Variants in PRUNE2 observed in about 807,000 individuals in gnomAD.
PRUNE2 encodes protein prune homolog 2.
In PRUNE2, 164 loss-of-function variants were observed where a neutral mutation model predicts 252.0. The ratio of observed to expected loss-of-function variants is 0.65; its 90% CI spans 0.57 to 0.74. PRUNE2 has a LOEUF of 0.74. PRUNE2 is among the 30% of genes least tolerant of loss of function. PRUNE2 has a pLI of 0.00. For missense variants in PRUNE2, 3,495 were observed against 3,711.0 expected, an observed-to-expected ratio of 0.94 and a Z score of 1.51; for synonymous variants, 1,292 against 1,350.2, an observed-to-expected ratio of 0.96 and a Z score of 0.94.
At chr9:76,780,373 C>T (rs1170813364) in intron 6 of PRUNE2, among the ~76,000 whole-genome samples, 1 of 152,082 alleles carries the variant, frequency 6.6e-6, no homozygotes, top group Admixed American at 6.6e-5. Context: ...AGTCTGGCCA[C>T]CTGTATCCAA....
rs375799109 is a variant in PRUNE2, at chr9:76,707,295, C to A, written c.4979G>T (p.Ser1660Ile). Residue 1660 changes from serine to isoleucine, a missense_variant, in exon 8 of 19, where the codon AGC becomes ATC. By Grantham distance (142) the Ser-to-Ile change is moderately radical (BLOSUM62 -2). Coordinates refer to ENST00000376718, the MANE Select transcript of PRUNE2 (RefSeq NM_015225.3). ...GTHQESNLIA[S>I]YQEKNEHDIS... is the part of the protein sequence containing the mutation. ...GTCATGTTCATTTTTCTCCTGGTAG[C>A]TAGCAATTAGATTGCTTTCCTGATG... 6.2e-7 allele frequency: 1 copy of A among 1,613,930 alleles called. No homozygotes were observed. The highest frequency in any genetic ancestry group is 8.5e-7 in the Non-Finnish European group (1 of 1,179,856).
Position 76,639,119 on chromosome 9 carries a change from T to C in PRUNE2, c.8729-831A>G, listed in dbSNP as rs548979719. Among the ~76,000 whole-genome samples the C allele has an allele frequency of 3.9e-5, 6 of 152,338 alleles. No homozygotes were observed. In the East Asian group the frequency reaches 1.2e-3, roughly 29 times the overall value. On this transcript the variant is annotated intron_variant, in intron 12 of 18. Transcript: ENST00000376718. The stretch of plus-strand genomic sequence containing the variant: ...GCTATATGACGTTCCCCCATCTTTT[T>C]TGCAGTAGAGTCACACTCTCTTTGT...
In PRUNE2 at chr9:76,703,589, T is replaced by C. The variant is rs771451983; in HGVS notation, c.8024A>G (p.Gln2675Arg). The stretch of plus-strand genomic sequence containing the variant: ...TAGAGGCTTCATTTCTTCCAGAATC[T>C]GCAGCTGGGGACCCTCACCCAAGCC... ...ELGLGEGPQLQILEEMKPLES... is the reference protein window; with the variant it reads ...ELGLGEGPQLRILEEMKPLES... The change falls in exon 9 of 19, where the codon CAG becomes CGG. Residue 2675 changes from glutamine (Q) to arginine (R), a missense_variant. By Grantham distance (43) the Gln-to-Arg change is conservative (BLOSUM62 1). Coordinates refer to ENST00000376718, the MANE Select transcript of PRUNE2 (RefSeq NM_015225.3). 2 of 1,613,596 alleles carry C rather than the reference T, an allele frequency of 1.2e-6. No homozygotes were observed. Among genetic ancestry groups the C allele is most frequent in the South Asian group, 2.2e-5 (2 of 91,084 alleles).
At chr9:76,893,128 G>A (rs909701681) in intron 1 of PRUNE2, among the ~76,000 whole-genome samples, 2 of 152,120 alleles carry the variant, frequency 1.3e-5, no homozygotes, top group Non-Finnish European at 2.9e-5. Flanking sequence ...GCCTGTAGTC[G>A]TAGCTACTTG....
chr9:76,662,620 C>G (rs556592330), intron 9 of PRUNE2, among the ~76,000 whole-genome samples: 3 of 152,258 alleles, frequency 2.0e-5, no homozygotes, highest in East Asian at 3.9e-4. Context: ...AGTAGCATTT[C>G]TAGATGGTAA....
rs141059513 is a variant in PRUNE2 at position 76,709,268 on chromosome 9, G to A, written c.3006C>T (p.Asn1002=). Reference sequence around the variant, plus strand: ...GAATGTCAGTCTCCTCTGCCGTGGAGTTACCATCTTTTGACTCAAAACCTT... The same window carrying A: ...GAATGTCAGTCTCCTCTGCCGTGGAATTACCATCTTTTGACTCAAAACCTT... The part of the protein sequence containing the change: ...KEEGFESKDG[N]STAEETDIPP... The change falls in exon 8 of 19, where the codon AAC becomes AAT. Residue 1002 remains asparagine (N), a synonymous_variant. Transcript: ENST00000376718. The A allele has an allele frequency of 5.8e-4, 932 of 1,613,616 alleles. 3 individuals are homozygous for A. The highest frequency in any genetic ancestry group is 5.8e-3 in the Middle Eastern group (35 of 6,060).
At chr9:76,773,695 C>T (rs1184890368) in intron 6 of PRUNE2, among the ~76,000 whole-genome samples, 1 of 152,052 alleles carries the variant, frequency 6.6e-6, no homozygotes, top group East Asian at 1.9e-4. Flanking sequence ...CCACCTGACT[C>T]GGCCTCCCAA....
intron 6 of PRUNE2, among the ~76,000 whole-genome samples, chr9:76,746,149 C>T (rs1255809119): frequency 1.3e-5 from 2 of 152,144 alleles, no homozygotes; most frequent in Non-Finnish European, 2.9e-5. Context: ...CTGGCAAAAG[C>T]TCCTAAAACC....
chr9:76,828,370 A>C (rs2058466351), intron 4 of PRUNE2, among the ~76,000 whole-genome samples: 1 of 152,214 alleles, frequency 6.6e-6, no homozygotes, highest in Non-Finnish European at 1.5e-5. Flanking sequence ...GGTTGGAGAG[A>C]TAGAGATAGA....
At chr9:76,730,674 G>A (rs1313428477) in intron 6 of PRUNE2, among the ~76,000 whole-genome samples, 1 of 152,236 alleles carries the variant, frequency 6.6e-6, no homozygotes, top group Non-Finnish European at 1.5e-5. Context: ...GGCCAAGGCG[G>A]GCAGATCACG....
In PRUNE2 at chr9:76,652,570, TATC is replaced by T; in HGVS notation, c.8467_8469del (p.Asp2823del). 6.2e-7 allele frequency: 1 copy of T among 1,613,316 alleles called. No homozygotes were observed. Among genetic ancestry groups the T allele is most frequent in the Non-Finnish European group, 8.5e-7 (1 of 1,179,322 alleles). On this transcript the variant is annotated inframe_deletion, in exon 11 of 19. Coordinates refer to ENST00000376718, the MANE Select transcript of PRUNE2 (RefSeq NM_015225.3). ...TCAATTTCATCTGGACTGTCCAAGTTATCATCAGAGAGAATAGATCCTTCACTT... is the reference window on the plus strand; with the variant it reads ...TCAATTTCATCTGGACTGTCCAAGTTATCAGAGAGAATAGATCCTTCACTT...
intron 1 of PRUNE2, among the ~76,000 whole-genome samples, chr9:76,879,259 T>C (rs745361675): frequency 1.3e-5 from 2 of 152,222 alleles, no homozygotes; most frequent in African/African-American, 4.8e-5. Flanking sequence ...TTTTGCAAAC[T>C]TATTTGATCA....
intron 9 of PRUNE2, among the ~76,000 whole-genome samples, chr9:76,690,787 T>C (rs190906640): frequency 6.6e-6 from 1 of 152,322 alleles, no homozygotes; most frequent in East Asian, 1.9e-4. Context: ...GTTTAGGTGC[T>C]GCTGACTTCC....
rs1241816883 is a variant in PRUNE2 at position 76,657,631 on chromosome 9, A to T, written c.8277-2129T>A. 2.0e-5 allele frequency among the ~76,000 whole-genome samples: 3 copies of T among 152,252 alleles called. No homozygotes were observed. In the East Asian group the frequency reaches 5.8e-4, roughly 29 times the overall value. On this transcript the variant is annotated intron_variant, in intron 9 of 18. Transcript: ENST00000376718. ...GTGATTTTAAAAGGGGATAATACCC[A>T]ACATCACAGTGACTGTGGAGAATAA... is the stretch of plus-strand genomic sequence containing the variant.
intron 9 of PRUNE2, among the ~76,000 whole-genome samples, chr9:76,684,951 C>T (rs536429520): frequency 6.6e-6 from 1 of 152,236 alleles, no homozygotes; most frequent in African/African-American, 2.4e-5. Flanking sequence ...GGGGTTTCAC[C>T]ATGTTGGTCA....
intron 6 of PRUNE2, among the ~76,000 whole-genome samples, chr9:76,724,077 G>A (rs1468354511): frequency 6.6e-6 from 1 of 151,038 alleles, no homozygotes; most frequent in Non-Finnish European, 1.5e-5. Flanking sequence ...TTACAGGCGT[G>A]AGCCACCGCA....
rs761182615 is a variant in PRUNE2 at position 76,704,088 on chromosome 9, C to G, written c.7525G>C (p.Glu2509Gln). The G allele has an allele frequency of 1.3e-6, 2 of 1,584,994 alleles. No individual in the cohort carries two copies. The highest frequency in any genetic ancestry group is 1.7e-6 in the Non-Finnish European group (2 of 1,167,324). Reference protein sequence around the residue: ...DIGPPNGASKEISELEEEKTI... With the variant: ...DIGPPNGASKQISELEEEKTI... ...TTTTCTTCTTCCAATTCTGATATTT[C>G]CTTGCTGGCACCTAGAAGTGGAAGT... The change falls in exon 9 of 19, where the codon GAA becomes CAA. Residue 2509 changes from glutamate (E) to glutamine (Q), a missense_variant. By Grantham distance (29) the Glu-to-Gln change is conservative (BLOSUM62 2). Transcript: ENST00000376718.
intron 6 of PRUNE2, among the ~76,000 whole-genome samples, chr9:76,794,559 G>T (rs1046378839): frequency 2.0e-5 from 3 of 148,526 alleles, no homozygotes; most frequent in African/African-American, 7.5e-5. Context: ...AGGTTGCAGT[G>T]AGCCCAGATC....
chr9:76,762,802 T>A (rs1053105963), intron 6 of PRUNE2, among the ~76,000 whole-genome samples: 1 of 152,188 alleles, frequency 6.6e-6, no homozygotes, highest in Non-Finnish European at 1.5e-5. Context: ...GCTCCACAAC[T>A]TGGCAATCTT....
Sources: allele counts gnomAD v4.1 joint callset (sites outside exome capture counted in the v4.1 genomes callset), GRCh38; gene constraint gnomAD v4.1.1; transcripts MANE v1.5; gene names NCBI Gene and HGNC (gene_info 2026-07-23, HGNC 2026-07-21).